The following TMEM117 variants were observed in gnomAD, a reference collection of about 807,000 sequenced individuals.
TMEM117 encodes transmembrane protein 117.
TMEM117 carries 27 observed loss-of-function variants against 52.4 expected under a neutral mutation model. The ratio of observed to expected loss-of-function variants is 0.51; its 90% CI spans 0.38 to 0.71. The LOEUF (loss-of-function observed/expected upper bound fraction) is 0.71, where lower values mean the gene tolerates loss of function less well. Among genes scored for constraint, TMEM117 ranks in the 30% least tolerant of loss-of-function variants. The probability of loss-of-function intolerance (pLI) is 0.00; values close to 1 mark genes in which losing one functional copy is unlikely to be tolerated. For synonymous variants in TMEM117, 215 were observed against 206.3 expected (o/e 1.04, Z -0.36); for missense variants, 556 against 630.5 (o/e 0.88, Z 1.26).
intron 5 of TMEM117, among the ~76,000 whole-genome samples, chr12:44,257,335 A>C (rs79750736): frequency 0.011 from 1,609 of 151,874 alleles, 11 homozygotes; most frequent in African/African-American, 0.018. Context: ...CTCTCTCTCT[A>C]TATATAGGTG....
chr12:44,280,899 G>A (rs1165903272), intron 5 of TMEM117, among the ~76,000 whole-genome samples: 2 of 149,548 alleles, frequency 1.3e-5, no homozygotes, highest in African/African-American at 2.5e-5. Context: ...TTGATGATTT[G>A]CCTTTAAAAT....
chr12:44,298,284 A>C (rs1950793794), intron 5 of TMEM117, among the ~76,000 whole-genome samples: 1 of 150,678 alleles, frequency 6.6e-6, no homozygotes, highest in Non-Finnish European at 1.5e-5. Context: ...GAGGGCAAAA[A>C]CGGTTTTGTT....
chr12:44,214,527 AG>A (rs923287545), intron 5 of TMEM117, among the ~76,000 whole-genome samples: 3 of 152,238 alleles, frequency 2.0e-5, no homozygotes, highest in Admixed American at 6.5e-5. Flanking sequence ...TCTAAAACGT[AG>A]TTTAAATGTT....
At chr12:44,213,666 G>A (rs867847290) in intron 5 of TMEM117, among the ~76,000 whole-genome samples, 2 of 152,146 alleles carry the variant, frequency 1.3e-5, no homozygotes, top group Non-Finnish European at 2.9e-5. Context: ...TGCTGTTCAC[G>A]TGATAGTGAG....
At chr12:44,351,551 G>T (rs1290542809) in intron 6 of TMEM117, among the ~76,000 whole-genome samples, 1 of 151,802 alleles carries the variant, frequency 6.6e-6, no homozygotes, top group Non-Finnish European at 1.5e-5. Flanking sequence ...GAGAGATAGG[G>T]TTCTAGTTTC....
At chr12:44,232,231 C>A (rs1340124468) in intron 5 of TMEM117, among the ~76,000 whole-genome samples, 3 of 151,450 alleles carry the variant, frequency 2.0e-5, no homozygotes, top group Non-Finnish European at 4.4e-5. Flanking sequence ...TTAAGATATT[C>A]TTTGTATTAT....
intron 6 of TMEM117, among the ~76,000 whole-genome samples, chr12:44,347,539 G>A (rs1377313715): frequency 6.6e-6 from 1 of 152,002 alleles, no homozygotes; most frequent in Non-Finnish European, 1.5e-5. Flanking sequence ...TCATACATGA[G>A]CATAGGAGCT....
At chr12:44,009,594 G>A (rs768039172) in intron 3 of TMEM117, 2 of 241,092 alleles carry the variant, frequency 8.3e-6, no homozygotes, top group East Asian at 1.1e-4. Flanking sequence ...AGCTGTTCTT[G>A]TAGTACCCAG....
At chr12:44,045,094 A>G (rs1946859613) in intron 3 of TMEM117, among the ~76,000 whole-genome samples, 1 of 152,190 alleles carries the variant, frequency 6.6e-6, no homozygotes, top group South Asian at 2.1e-4. Flanking sequence ...AGTGGCTAGG[A>G]TGACCCATTC....
At chr12:43,891,587 C>T (rs949576505) in intron 2 of TMEM117, among the ~76,000 whole-genome samples, 15 of 151,464 alleles carry the variant, frequency 9.9e-5, no homozygotes, top group African/African-American at 9.7e-5. Flanking sequence ...AGGATGGTCT[C>T]GATCCCCTGA....
chr12:44,275,099 G>GA (rs1355908972), intron 5 of TMEM117, among the ~76,000 whole-genome samples: 1 of 152,106 alleles, frequency 6.6e-6, no homozygotes, highest in Non-Finnish European at 1.5e-5. Context: ...CCACTCTATA[G>GA]AAAAAAAGTT....
chr12:44,201,822 C>A (rs1028161506), intron 4 of TMEM117, among the ~76,000 whole-genome samples: 4 of 152,080 alleles, frequency 2.6e-5, no homozygotes, highest in Non-Finnish European at 5.9e-5. Flanking sequence ...AAAAGAAATA[C>A]ATAACACCCA....
chr12:43,960,211 C>T (rs1248124225), intron 3 of TMEM117, among the ~76,000 whole-genome samples: 6 of 151,512 alleles, frequency 4.0e-5, no homozygotes, highest in Non-Finnish European at 8.8e-5. Flanking sequence ...AGCCAGTTGC[C>T]GAGAAAGGGC....
At chr12:44,299,442 C>T in intron 5 of TMEM117, 138 bp from the exon 6 acceptor site, 2 of 1,174,752 alleles carry the variant, frequency 1.7e-6, no homozygotes, top group Non-Finnish European at 2.3e-6. Context: ...CAACTTTTTT[C>T]ATCTTCCTTT....
At chr12:44,175,650 G>T (rs907499932) in intron 4 of TMEM117, among the ~76,000 whole-genome samples, 1 of 152,108 alleles carries the variant, frequency 6.6e-6, no homozygotes, top group African/African-American at 2.4e-5. Flanking sequence ...CAAGGTAAAG[G>T]CCCAATGAAT....
rs558496952 is a variant in TMEM117, at chr12:44,190,688, G to T, written c.511-20602G>T. 1.2e-4 allele frequency among the ~76,000 whole-genome samples: 19 copies of T among 152,068 alleles called. No individual in the cohort carries two copies. The East Asian group carries it at 1.5e-3, about 12-fold the overall frequency. On this transcript the variant is annotated intron_variant, in intron 4 of 7. Coordinates refer to ENST00000266534, the MANE Select transcript of TMEM117 (RefSeq NM_032256.3). Reference sequence around the variant, plus strand: ...AAAAAAATAAGGCTTCATGAAACCTGCCCAGCCCTCATCCAGTTTCTGGCA... The same window carrying T: ...AAAAAAATAAGGCTTCATGAAACCTTCCCAGCCCTCATCCAGTTTCTGGCA...
intron 3 of TMEM117, among the ~76,000 whole-genome samples, chr12:44,006,963 T>C (rs1946207925): frequency 6.6e-6 from 1 of 152,216 alleles, no homozygotes; most frequent in African/African-American, 2.4e-5. Context: ...TTCCTCAGTT[T>C]AGAGACATAC....
At chr12:43,878,015 A>G (rs1943833247) in intron 2 of TMEM117, among the ~76,000 whole-genome samples, 1 of 152,130 alleles carries the variant, frequency 6.6e-6, no homozygotes, top group South Asian at 2.1e-4. Context: ...TTAAAACTGT[A>G]TCTTAGTGTG....
intron 5 of TMEM117, among the ~76,000 whole-genome samples, chr12:44,270,258 A>G (rs1950429817): frequency 6.6e-6 from 1 of 152,102 alleles, no homozygotes; most frequent in Non-Finnish European, 1.5e-5. Context: ...CCTTACACAG[A>G]AAGAGGTTGT....
Sources: allele counts gnomAD v4.1 joint callset (sites outside exome capture counted in the v4.1 genomes callset), GRCh38; gene constraint gnomAD v4.1.1; transcripts MANE v1.5; gene names NCBI Gene and HGNC (gene_info 2026-07-23, HGNC 2026-07-21).